Variants in GALNT6 observed in about 807,000 individuals in gnomAD.
GALNT6 encodes polypeptide N-acetylgalactosaminyltransferase 6.
In GALNT6, 51 loss-of-function variants were observed where a neutral mutation model predicts 65.9. The observed-to-expected ratio is 0.77, with a 90% CI of 0.62 to 0.98. The LOEUF (loss-of-function observed/expected upper bound fraction) is 0.98. Among genes scored for constraint, GALNT6 ranks in the 50% least tolerant of loss-of-function variants. The pLI, the probability that GALNT6 is intolerant of heterozygous loss-of-function variation, is 0.00. For synonymous variants in GALNT6, 323 were observed against 315.1 expected (o/e 1.02, Z -0.26); for missense variants, 708 against 803.3 (o/e 0.88, Z 1.43).
At chr12:51,384,443 G>A (rs1314768159) in intron 2 of GALNT6, among the ~76,000 whole-genome samples, 1 of 152,176 alleles carries the variant, frequency 6.6e-6, no homozygotes, top group Admixed American at 6.5e-5. Context: ...TGAAATCCCA[G>A]CACTTTGGGA....
chr12:51,383,273 T>C (rs1947729550), intron 2 of GALNT6, among the ~76,000 whole-genome samples: 1 of 152,184 alleles, frequency 6.6e-6, no homozygotes, highest in Non-Finnish European at 1.5e-5. Context: ...CTGTCCCGGC[T>C]AAGCCCACAC....
At chr12:51,358,321 G>A in intron 8 of GALNT6, 60 bp from the exon 9 acceptor site, 1 of 1,359,498 alleles carries the variant, frequency 7.4e-7, no homozygotes, top group Non-Finnish European at 1.0e-6. Flanking sequence ...TTTTTTTTAA[G>A]AGGGAGTCTC....
chr12:51,375,343 C>A (rs1482932934), intron 4 of GALNT6, among the ~76,000 whole-genome samples: 2 of 152,168 alleles, frequency 1.3e-5, no homozygotes, highest in South Asian at 2.1e-4. Context: ...TAAGGCCCAG[C>A]TCCAATCTGG....
chr12:51,360,208 G>C (rs138851904), intron 7 of GALNT6: 1 of 152,338 alleles, frequency 6.6e-6, no homozygotes, highest in East Asian at 1.9e-4. Context: ...GGGTCCACCA[G>C]AGTTGGGGCC....
In GALNT6 at chr12:51,355,855, G is replaced by GGGC. The variant is rs1329107967; in HGVS notation, c.1705_1706insGCC (p.Thr569delinsSerPro). 1 of 1,613,842 alleles carries GGGC rather than the reference G, an allele frequency of 6.2e-7. No homozygotes were observed. Among genetic ancestry groups the GGGC allele is most frequent in the Non-Finnish European group, 8.5e-7 (1 of 1,179,866 alleles). Reference sequence around the variant, plus strand: ...CTTGGGGACCTGGCTATTCTTGCCAGTGAAGTGACAGCTCCCAAGGCCCAG... The same window carrying GGGC: ...CTTGGGGACCTGGCTATTCTTGCCAGGGCTGAAGTGACAGCTCCCAAGGCCCAG... On this transcript the variant is annotated protein_altering_variant, in exon 11 of 12. Coordinates refer to ENST00000356317, the MANE Select transcript of GALNT6 (RefSeq NM_007210.4).
chr12:51,386,845 C>T (rs1947858054), intron 2 of GALNT6, among the ~76,000 whole-genome samples: 2 of 152,166 alleles, frequency 1.3e-5, no homozygotes, highest in Admixed American at 1.3e-4. Flanking sequence ...ATCTCAAGTC[C>T]TCTGTACTCA....
At position 51,387,506 on chromosome 12, in the gene GALNT6, T is replaced by C. The variant is rs995151799; in HGVS notation, c.-104+3344A>G. On this transcript the variant is annotated intron_variant, in intron 2 of 11. Coordinates refer to ENST00000356317, the MANE Select transcript of GALNT6 (RefSeq NM_007210.4). The surrounding 1 kb of genome is among the most constrained non-coding windows in gnomAD (Gnocchi z 4.2). ...TATACCTAGAGCAGCGCTTGGCATG[T>C]GGTAGGCACTTGGTTAATATTTGTT... is the stretch of plus-strand genomic sequence containing the variant. 2.6e-5 allele frequency among the ~76,000 whole-genome samples: 4 copies of C among 152,230 alleles called. No homozygotes were observed. Among genetic ancestry groups the C allele is most frequent in the Non-Finnish European group, 4.4e-5 (3 of 68,036 alleles).
chr12:51,380,691 T>C (rs1179830894), intron 2 of GALNT6, among the ~76,000 whole-genome samples: 2 of 152,144 alleles, frequency 1.3e-5, no homozygotes, highest in African/African-American at 4.8e-5. Context: ...CTTGGGAGGC[T>C]GAGGCAGGAG....
intron 5 of GALNT6, 110 bp downstream of exon 5, chr12:51,365,320 C>T: frequency 9.6e-7 from 1 of 1,043,446 alleles, no homozygotes; most frequent in Non-Finnish European, 1.4e-6. Flanking sequence ...AAGCCTCCTT[C>T]ACTCCCGGAA....
At chr12:51,371,330 G>A (rs1947289263) in intron 4 of GALNT6, among the ~76,000 whole-genome samples, 1 of 152,018 alleles carries the variant, frequency 6.6e-6, no homozygotes, top group African/African-American at 2.4e-5. Context: ...GGGTTCTCTT[G>A]CCTCGGCCTC....
At chr12:51,376,973 G>A (rs1426274302) in intron 4 of GALNT6, among the ~76,000 whole-genome samples, 1 of 152,202 alleles carries the variant, frequency 6.6e-6, no homozygotes, top group African/African-American at 2.4e-5. Context: ...GAGTCTTGAA[G>A]CCAGAGCTGA....
chr12:51,377,435 A>C, intron 3 of GALNT6, 68 bp from the exon 4 acceptor site: 1 of 1,341,010 alleles, frequency 7.5e-7, no homozygotes. Context: ...GGAGGGCCCC[A>C]TCCAGAGACT....
At chr12:51,366,537 C>T (rs1489114895) in intron 4 of GALNT6, among the ~76,000 whole-genome samples, 1 of 152,166 alleles carries the variant, frequency 6.6e-6, no homozygotes, top group Non-Finnish European at 1.5e-5. Flanking sequence ...CACCAAGCAC[C>T]TACCACGGAC....
At chr12:51,357,301 G>C in intron 10 of GALNT6, 48 bp downstream of exon 10, 1 of 1,211,396 alleles carries the variant, frequency 8.3e-7, no homozygotes, top group Non-Finnish European at 1.2e-6. Context: ...GTAGAGAAAA[G>C]GAGCCGGTGA....
At chr12:51,358,015 A>G in intron 9 of GALNT6, 115 bp downstream of exon 9, 2 of 998,168 alleles carry the variant, frequency 2.0e-6, no homozygotes, top group Admixed American at 2.3e-5. Flanking sequence ...TGGATAAAGG[A>G]GGGTGCAGGG....
chr12:51,375,735 T>C (rs1397868331), intron 4 of GALNT6, among the ~76,000 whole-genome samples: 1 of 152,074 alleles, frequency 6.6e-6, no homozygotes, highest in Non-Finnish European at 1.5e-5. Context: ...TTTTTGTATT[T>C]TTAGTAGATA....
chr12:51,353,018 T>G lies in GALNT6; in HGVS notation c.*1361A>C, dbSNP rs1946652153. The G allele has an allele frequency of 6.6e-6, 1 of 152,144 alleles. No individual in the cohort carries two copies. Among genetic ancestry groups the G allele is most frequent in the Non-Finnish European group, 1.5e-5 (1 of 68,120 alleles). The allele number at this position is 152,144 out of a possible 1,614,324, so 9.4% of individuals were successfully genotyped here. On this transcript the variant is annotated 3_prime_UTR_variant, in exon 12 of 12. Transcript: ENST00000356317. ...GTGGAGGCCAGCCAGCTAGAAATGA[T>G]TAGAATGGAGGAAGAGGGAATGAGA...
chr12:51,364,459 C>T (rs2137600225), intron 5 of GALNT6, 104 bp from the exon 6 acceptor site: 1 of 764,426 alleles, frequency 1.3e-6, no homozygotes, highest in Admixed American at 2.5e-5. Flanking sequence ...AGTCCACCTA[C>T]TCCTGGGTTA....
At chr12:51,362,112 G>A (rs3782471) in intron 6 of GALNT6, among the ~76,000 whole-genome samples, 87,960 of 151,890 alleles carry the variant, frequency 0.58, 26,288 homozygotes, top group East Asian at 0.75. Flanking sequence ...GTCTTAAACC[G>A]GCACAAGTAG....
Sources: allele counts gnomAD v4.1 joint callset (sites outside exome capture counted in the v4.1 genomes callset), GRCh38; gene constraint gnomAD v4.1.1; non-coding constraint Gnocchi (gnomAD v3.1); transcripts MANE v1.5; gene names NCBI Gene and HGNC (gene_info 2026-07-23, HGNC 2026-07-21).